Variants in PPARGC1B observed in about 807,000 individuals in gnomAD.
PPARGC1B encodes the protein peroxisome proliferator-activated receptor gamma coactivator 1-beta.
A neutral mutation model predicts 101.6 loss-of-function variants in PPARGC1B; 34 were observed. The ratio of observed to expected loss-of-function variants is 0.33; its 90% CI spans 0.25 to 0.45. PPARGC1B has a LOEUF of 0.45. PPARGC1B is among the 20% of genes least tolerant of loss of function. The probability of loss-of-function intolerance (pLI) is 1.00; values close to 1 mark genes in which losing one functional copy is unlikely to be tolerated. For missense variants in PPARGC1B, 1,234 were observed against 1,317.6 expected (o/e 0.94, Z 0.98); for synonymous variants, 548 against 539.3 (o/e 1.02, Z -0.22).
chr5:149,730,487 C>T lies in PPARGC1B; in HGVS notation c.78+67C>T. 1 of 1,326,202 alleles carries T rather than the reference C, an allele frequency of 7.5e-7. No homozygotes were observed. Among genetic ancestry groups the T allele is most frequent in the Non-Finnish European group, 1.0e-6 (1 of 987,344 alleles). 82.2% of individuals were successfully genotyped at this position (1,326,202 alleles called of 1,614,324 possible). A position where few individuals can be genotyped will look rare whatever the true frequency, so the allele number is the denominator to read the frequency against. On this transcript the variant is annotated intron_variant, in intron 1 of 11. Transcript: ENST00000309241. This position sits in a 1 kb window ranked among gnomAD's most constrained non-coding sequence, Gnocchi z 4.0. ...GAGCTGCGGGGGCCGCAGCTGCAGCCGCGGAGGCCGGGAGGCAGCGGTGGG... is the reference window on the plus strand; with the variant it reads ...GAGCTGCGGGGGCCGCAGCTGCAGCTGCGGAGGCCGGGAGGCAGCGGTGGG...
At chr5:149,778,110 CAG>C (rs796919191) in intron 1 of PPARGC1B, among the ~76,000 whole-genome samples, 8,787 of 69,774 alleles carry the variant, frequency 0.13, 2,503 homozygotes, top group East Asian at 0.21. Context: ...CACACACACA[CAG>C]AGTACCCAGC....
intron 1 of PPARGC1B, among the ~76,000 whole-genome samples, chr5:149,767,725 T>G (rs576957831): frequency 2.3e-4 from 35 of 152,160 alleles, no homozygotes; most frequent in African/African-American, 8.4e-4. Context: ...ATCACTGAGC[T>G]GGACTCCACT....
At chr5:149,803,865 A>C (rs1757509865) in intron 1 of PPARGC1B, among the ~76,000 whole-genome samples, 1 of 152,244 alleles carries the variant, frequency 6.6e-6, no homozygotes, top group Non-Finnish European at 1.5e-5. Flanking sequence ...TTAGGAGGCC[A>C]GCCAGAGCCT....
At position 149,836,089 on chromosome 5, in the gene PPARGC1B, G is replaced by A. The variant is rs62382347; in HGVS notation, c.1808-174G>A. On this transcript the variant is annotated intron_variant, in intron 7 of 11. Transcript: ENST00000309241. The stretch of plus-strand genomic sequence containing the variant: ...ATTTTAGTAGAGACATGATTTCACC[G>A]TGTTGGCCAGGCTGGTCTCGAGCTC... 0.081 allele frequency among the ~76,000 whole-genome samples: 12,285 copies of A among 151,132 alleles called. 873 individuals carry two copies. Among genetic ancestry groups the A allele is most frequent in the African/African-American group, 0.19 (7,882 of 41,132 alleles).
intron 2 of PPARGC1B, among the ~76,000 whole-genome samples, chr5:149,825,893 G>C (rs1758499292): frequency 1.3e-5 from 2 of 152,208 alleles, no homozygotes; most frequent in South Asian, 4.1e-4. Flanking sequence ...CAGTGGTAGT[G>C]GTAGTAGTTA....
rs559652954 is a variant in PPARGC1B, at chr5:149,745,020, G to C, written c.78+14600G>C. On this transcript the variant is annotated intron_variant, in intron 1 of 11. Transcript: ENST00000309241. The stretch of plus-strand genomic sequence containing the variant: ...GGGCTCAAGGGATCCTCCTACCTCA[G>C]CTTCCCCAGTAGCTAGGACTAAAGG... Among the ~76,000 whole-genome samples the C allele has an allele frequency of 4.7e-3, 717 of 151,368 alleles. 6 individuals carry two copies. Among genetic ancestry groups the C allele is most frequent in the Admixed American group, 8.7e-3 (132 of 15,162 alleles).
chr5:149,822,603 A>G (rs1296848846), intron 2 of PPARGC1B, among the ~76,000 whole-genome samples: 1 of 152,224 alleles, frequency 6.6e-6, no homozygotes. Flanking sequence ...TCAGGGCTTA[A>G]CAGTCATCCA....
At chr5:149,813,539 A>G (rs1204835574) in intron 1 of PPARGC1B, among the ~76,000 whole-genome samples, 4 of 152,142 alleles carry the variant, frequency 2.6e-5, no homozygotes, top group African/African-American at 9.7e-5. Context: ...TTTAGAACTG[A>G]GGATATGGGT....
chr5:149,740,591 C>T (rs1754874859), intron 1 of PPARGC1B, among the ~76,000 whole-genome samples: 2 of 152,086 alleles, frequency 1.3e-5, no homozygotes, highest in Non-Finnish European at 2.9e-5. Flanking sequence ...GAAGAAATAC[C>T]CAATAGTGGT....
At chr5:149,819,263 G>A (rs918375977) in intron 1 of PPARGC1B, among the ~76,000 whole-genome samples, 4 of 152,190 alleles carry the variant, frequency 2.6e-5, no homozygotes, top group African/African-American at 4.8e-5. Flanking sequence ...TGTTAGGTGG[G>A]TTTATGACCG....
intron 1 of PPARGC1B, among the ~76,000 whole-genome samples, chr5:149,762,868 C>G (rs1458782180): frequency 6.6e-6 from 1 of 152,080 alleles, no homozygotes; most frequent in Admixed American, 6.5e-5. Context: ...CTCACTGCAG[C>G]CTCAACTTCC....
Position 149,848,198 on chromosome 5 carries a change from A to G in PPARGC1B, c.*640A>G, listed in dbSNP as rs1228502117. 6.5e-6 allele frequency: 1 copy of G among 152,820 alleles called. No homozygotes were observed. Among genetic ancestry groups the G allele is most frequent in the Non-Finnish European group, 1.5e-5 (1 of 68,568 alleles). 9.5% of individuals were successfully genotyped at this position (152,820 alleles called of 1,614,324 possible). On this transcript the variant is annotated 3_prime_UTR_variant, in exon 12 of 12. Transcript: ENST00000309241. ...GCGCGGCCTGCCGTTTCCGGGCCGT[A>G]TCTGCCAAGCCCTGCCTTGTCTCTT...
chr5:149,745,106 G>T (rs1300591186), intron 1 of PPARGC1B, among the ~76,000 whole-genome samples: 1 of 151,920 alleles, frequency 6.6e-6, no homozygotes, highest in Non-Finnish European at 1.5e-5. Context: ...TTGCTATATT[G>T]CCCGGGCTGG....
intron 1 of PPARGC1B, among the ~76,000 whole-genome samples, chr5:149,744,106 G>A (rs1470180945): frequency 1.3e-5 from 2 of 152,236 alleles, no homozygotes; most frequent in Non-Finnish European, 2.9e-5. Context: ...GAAGGGGCAA[G>A]AGAGGACTTG....
intron 1 of PPARGC1B, among the ~76,000 whole-genome samples, chr5:149,797,363 G>A (rs1204161481): frequency 2.0e-5 from 3 of 151,772 alleles, no homozygotes; most frequent in Non-Finnish European, 2.9e-5. Flanking sequence ...TGAATGTAGG[G>A]GACAAAAAAA....
chr5:149,779,288 G>A (rs1201581701), intron 1 of PPARGC1B, among the ~76,000 whole-genome samples: 1 of 152,154 alleles, frequency 6.6e-6, no homozygotes, highest in Non-Finnish European at 1.5e-5. Context: ...AGTGGGGTGA[G>A]TGCATACACC....
chr5:149,833,714 C>T lies in PPARGC1B; in HGVS notation c.1641C>T (p.Ser547=), dbSNP rs768002329. The part of the protein sequence containing the change: ...LRGPQIPALE[S]PCESGCGDMD... ...GACCCCAGATCCCTGCCCTGGAGAG[C>T]CCCTGTGAGAGTGGGTGTGGGGACA... The change falls in exon 5 of 12, where the codon AGC becomes AGT. Residue 547 remains serine (S), a synonymous_variant. Transcript: ENST00000309241. This position sits in a 1 kb window ranked among gnomAD's most constrained non-coding sequence, Gnocchi z 4.1. 1.1e-5 allele frequency: 18 copies of T among 1,601,466 alleles called. No homozygotes were observed. The highest frequency in any genetic ancestry group is 1.4e-5 in the Non-Finnish European group (17 of 1,176,046).
At chr5:149,788,847 G>T (rs1448996048) in intron 1 of PPARGC1B, among the ~76,000 whole-genome samples, 1 of 152,126 alleles carries the variant, frequency 6.6e-6, no homozygotes, top group Non-Finnish European at 1.5e-5. Flanking sequence ...AACACTGCAT[G>T]TTCTCACTCA....
At chr5:149,734,276 C>T (rs577660668) in intron 1 of PPARGC1B, among the ~76,000 whole-genome samples, 25 of 135,494 alleles carry the variant, frequency 1.8e-4, no homozygotes, top group Admixed American at 7.9e-4. Flanking sequence ...GAGCCGAGAT[C>T]GCGCCACTTC....
Sources: gnomAD v4.1 joint callset for allele counts (sites outside exome capture counted in the v4.1 genomes callset) on GRCh38, gnomAD v4.1.1 for gene constraint, Gnocchi (gnomAD v3.1) non-coding constraint, MANE v1.5 for transcripts, NCBI Gene and HGNC (gene_info 2026-07-23, HGNC 2026-07-21) for gene names.